TMTC2: variants seen among roughly 807,000 people sequenced by gnomAD.
The protein encoded by TMTC2 is protein O-mannosyl-transferase TMTC2.
In TMTC2, 43 loss-of-function variants were observed where a neutral mutation model predicts 82.4. That is an observed-to-expected ratio of 0.52 (90% CI 0.41 to 0.67). The LOEUF (loss-of-function observed/expected upper bound fraction) is 0.67. Ranked by LOEUF, TMTC2 falls within the 30% of genes least tolerant of loss-of-function variation. The pLI is 0.00. For missense variants in TMTC2, 919 were observed against 1,012.4 expected (o/e 0.91, Z 1.25); for synonymous variants, 408 against 381.9 (o/e 1.07, Z -0.80).
chr12:82,713,469 T>C (rs1416368352), intron 1 of TMTC2, among the ~76,000 whole-genome samples: 2 of 152,220 alleles, frequency 1.3e-5, no homozygotes, highest in Non-Finnish European at 2.9e-5. Flanking sequence ...TTAATGGACT[T>C]ACAGTTCCAT....
At chr12:82,963,150 G>T (rs1878017469) in intron 4 of TMTC2, among the ~76,000 whole-genome samples, 1 of 151,964 alleles carries the variant, frequency 6.6e-6, no homozygotes, top group Non-Finnish European at 1.5e-5. Flanking sequence ...ATACACCACA[G>T]ACCATTCTTA....
intron 9 of TMTC2, 103 bp downstream of exon 9, chr12:83,030,982 C>G: frequency 1.2e-6 from 1 of 827,146 alleles, no homozygotes; most frequent in Non-Finnish European, 2.0e-6. Context: ...AGGAGATGGA[C>G]TTTGTTATTG....
intron 4 of TMTC2, among the ~76,000 whole-genome samples, chr12:82,947,547 G>C (rs752005661): frequency 1.4e-5 from 2 of 142,862 alleles, no homozygotes; most frequent in Non-Finnish European, 2.9e-5. Context: ...TTTCACCGTG[G>C]TCTCGATCTC....
rs1036204821 is a variant in TMTC2, at chr12:82,896,428, G to A, written c.1265G>A (p.Arg422Gln). The change falls in exon 3 of 12, where the codon CGA (arginine) becomes CAA (glutamine). Residue 422 changes from arginine to glutamine, a missense_variant. By Grantham distance (43) the Arg-to-Gln change is conservative. Coordinates refer to ENST00000321196, the MANE Select transcript of TMTC2 (RefSeq NM_152588.3). The stretch of plus-strand genomic sequence containing the variant: ...TATGTCGGCTTTGTAATTGCAGAGC[G>A]AGTATTATATATTCCTAGTATGGGC... ...FFYVGFVIAERVLYIPSMGFC... is the reference protein window; with the variant it reads ...FFYVGFVIAEQVLYIPSMGFC... The A allele has an allele frequency of 1.2e-6, 2 of 1,614,008 alleles. No homozygotes were observed. The highest frequency in any genetic ancestry group is 1.7e-6 in the Non-Finnish European group (2 of 1,180,034).
chr12:83,096,576 CAA>C (rs1423586597), intron 11 of TMTC2, among the ~76,000 whole-genome samples: 5 of 152,272 alleles, frequency 3.3e-5, no homozygotes, highest in South Asian at 2.1e-4. Context: ...TGGTGGCAGA[CAA>C]GAGAGAAATG....
chr12:82,742,559 G>A (rs185319139), intron 1 of TMTC2, among the ~76,000 whole-genome samples: 1 of 148,622 alleles, frequency 6.7e-6, no homozygotes, highest in Admixed American at 6.8e-5. Flanking sequence ...CACTCTTGTC[G>A]CCCAGGCTGT....
chr12:82,735,221 A>G (rs1172470194), intron 1 of TMTC2, among the ~76,000 whole-genome samples: 1 of 152,182 alleles, frequency 6.6e-6, no homozygotes, highest in East Asian at 1.9e-4. Context: ...TCAAATACCA[A>G]AATAAACCCA....
intron 1 of TMTC2, among the ~76,000 whole-genome samples, chr12:82,795,622 C>G (rs895820532): frequency 6.6e-6 from 1 of 151,958 alleles, no homozygotes; most frequent in Admixed American, 6.6e-5. Context: ...AAGTTCTTCC[C>G]TGGTAAATTG....
At chr12:82,985,038 ATAATTTTAATTATT>A (rs1243999412) in intron 7 of TMTC2, among the ~76,000 whole-genome samples, 1 of 152,024 alleles carries the variant, frequency 6.6e-6, no homozygotes, top group Non-Finnish European at 1.5e-5. Context: ...TTTATTAATC[ATAATTTTAATTATT>A]TAATTAAAAT....
chr12:82,960,806 A>G (rs1219758077), intron 4 of TMTC2, among the ~76,000 whole-genome samples: 4 of 119,092 alleles, frequency 3.4e-5, no homozygotes, highest in South Asian at 3.4e-4. Context: ...TAACAAATAT[A>G]TAGGTATCAG....
chr12:82,984,470 A>G (rs1405722555), intron 7 of TMTC2, among the ~76,000 whole-genome samples: 1 of 152,216 alleles, frequency 6.6e-6, no homozygotes, highest in African/African-American at 2.4e-5. Flanking sequence ...CAAGTTGAAT[A>G]TGATTAAAAC....
intron 1 of TMTC2, among the ~76,000 whole-genome samples, chr12:82,788,713 C>T (rs1325283312): frequency 6.6e-6 from 1 of 152,152 alleles, no homozygotes; most frequent in Admixed American, 6.5e-5. Flanking sequence ...TGTATAATCA[C>T]ATCCTTAACA....
At chr12:83,108,402 C>T (rs1884489625) in intron 11 of TMTC2, among the ~76,000 whole-genome samples, 1 of 152,128 alleles carries the variant, frequency 6.6e-6, no homozygotes, top group Non-Finnish European at 1.5e-5. Context: ...GAGGCCAAGG[C>T]AGGCGGATCA....
intron 3 of TMTC2, among the ~76,000 whole-genome samples, chr12:82,921,779 C>T (rs1040511263): frequency 2.0e-5 from 3 of 151,990 alleles, no homozygotes; most frequent in South Asian, 2.1e-4. Flanking sequence ...GATTTGCATT[C>T]ATCTATAGAC....
At chr12:82,692,426 C>G (rs750227212) in intron 1 of TMTC2, among the ~76,000 whole-genome samples, 4 of 152,168 alleles carry the variant, frequency 2.6e-5, no homozygotes, top group Non-Finnish European at 2.9e-5. Context: ...TGTTGCTGCT[C>G]AGCACACTAA....
rs563863769 is a variant in TMTC2 at position 82,956,985 on chromosome 12, G to A, written c.1599-8039G>A. Among the ~76,000 whole-genome samples the A allele has an allele frequency of 5.0e-4, 76 of 152,260 alleles. 1 individual carries two copies. The highest frequency in any genetic ancestry group is 1.8e-3 in the African/African-American group (74 of 41,530). On this transcript the variant is annotated intron_variant, in intron 4 of 11. Coordinates refer to ENST00000321196, the MANE Select transcript of TMTC2 (RefSeq NM_152588.3). ...CAATGTTAGACAGATCATTGAGGCAGAAAACTAATAAATTCTGGACTTAGA... is the reference window on the plus strand; with the variant it reads ...CAATGTTAGACAGATCATTGAGGCAAAAAACTAATAAATTCTGGACTTAGA...
rs533807622 is a variant in TMTC2, at chr12:82,920,529, A to G, written c.1484-9902A>G. On this transcript the variant is annotated intron_variant, in intron 3 of 11. Transcript: ENST00000321196. ...CAAGAGAAGCTTTCATTGTGAATTA[A>G]CATCAAGTTTCTTAGTAAATGGATA... is the stretch of plus-strand genomic sequence containing the variant. 3.3e-5 allele frequency among the ~76,000 whole-genome samples: 5 copies of G among 152,326 alleles called. No individual in the cohort carries two copies. In the South Asian group the frequency reaches 1.0e-3, roughly 32 times the overall value.
intron 3 of TMTC2, among the ~76,000 whole-genome samples, chr12:82,905,064 G>T (rs912716187): frequency 9.9e-5 from 15 of 150,768 alleles, no homozygotes; most frequent in Non-Finnish European, 1.5e-4. Context: ...TATAGTAGGG[G>T]TCAATAAATA....
chr12:82,770,951 C>G (rs12304482), intron 1 of TMTC2, among the ~76,000 whole-genome samples: 25,299 of 152,042 alleles, frequency 0.17, 2,637 homozygotes, highest in African/African-American at 0.29. Context: ...GCTCACGCCT[C>G]TAATTCCAGC....
Sources: gnomAD v4.1 joint callset for allele counts (sites outside exome capture counted in the v4.1 genomes callset) on GRCh38, gnomAD v4.1.1 for gene constraint, MANE v1.5 for transcripts, NCBI Gene and HGNC (gene_info 2026-07-23, HGNC 2026-07-21) for gene names.